MYH14: variants seen among roughly 807,000 people sequenced by gnomAD.
MYH14 encodes myosin-14.
A neutral mutation model predicts 255.5 loss-of-function variants in MYH14; 123 were observed. That is an observed-to-expected ratio of 0.48 (90% CI 0.42 to 0.56). MYH14 has a LOEUF of 0.56. MYH14 is among the 20% of genes least tolerant of loss of function. The probability of loss-of-function intolerance (pLI) is 0.00; values close to 1 mark genes in which losing one functional copy is unlikely to be tolerated. For synonymous variants in MYH14, 1,095 were observed against 1,161.2 expected (o/e 0.94, Z 1.16); for missense variants, 2,423 against 2,802.3 (o/e 0.86, Z 3.06).
chr19:50,278,188 C>T lies in MYH14; in HGVS notation c.3931C>T (p.Arg1311Trp), dbSNP rs369976154. The change falls in exon 30 of 43, where the codon CGG (arginine) becomes TGG (tryptophan). Residue 1311 changes from arginine to tryptophan, a missense_variant. Coordinates refer to ENST00000642316, the MANE Select transcript of MYH14 (RefSeq NM_001145809.2). ...GACTGCACGTCAGGAGGGTGAGCAGCGGAGGCGCCGCCTGGAGTTACAGCT... is the reference window on the plus strand; with the variant it reads ...GACTGCACGTCAGGAGGGTGAGCAGTGGAGGCGCCGCCTGGAGTTACAGCT... ...LQTARQEGEQ[R>W]RRRLELQLQE... 17 of 1,611,344 alleles carry T rather than the reference C, an allele frequency of 1.1e-5. No homozygotes were observed. The highest frequency in any genetic ancestry group is 4.0e-5 in the African/African-American group (3 of 74,880).
At chr19:50,291,588 G>A (rs1028412625) in intron 36 of MYH14, among the ~76,000 whole-genome samples, 1 of 152,162 alleles carries the variant, frequency 6.6e-6, no homozygotes, top group Non-Finnish European at 1.5e-5. Flanking sequence ...TTTTTGGCCA[G>A]ACACAGTGGC....
intron 40 of MYH14, among the ~76,000 whole-genome samples, chr19:50,305,540 G>A (rs2036626260): frequency 6.6e-6 from 1 of 152,060 alleles, no homozygotes; most frequent in South Asian, 2.1e-4. Flanking sequence ...GGGGCCCCAG[G>A]GCTTATGGGA....
At chr19:50,262,856 TAA>T (rs1310071102) in intron 21 of MYH14, among the ~76,000 whole-genome samples, 1 of 152,022 alleles carries the variant, frequency 6.6e-6, no homozygotes, top group Non-Finnish European at 1.5e-5. Flanking sequence ...CTCAAAGTAA[TAA>T]GAGTGCCTGC....
In MYH14 at chr19:50,210,787, TG is replaced by T. The variant is rs780068018; in HGVS notation, c.405+23del. ...CTCATCTACGTGAGTGGGCTCCTGC[TG>T]GGGGGCGCGTGCGGCGGAGTTGCTG... On this transcript the variant is annotated intron_variant, in intron 2 of 42. Transcript: ENST00000642316. 5.8e-6 allele frequency: 9 copies of T among 1,550,696 alleles called. No homozygotes were observed. The highest frequency in any genetic ancestry group is 1.2e-5 in the South Asian group (1 of 82,288).
chr19:50,261,674 A>G, intron 21 of MYH14, 39 bp downstream of exon 21: 1 of 1,539,122 alleles, frequency 6.5e-7, no homozygotes, highest in Non-Finnish European at 8.7e-7. Flanking sequence ...CTGTTGGCCG[A>G]GACTGGGTCA....
Position 50,276,252 on chromosome 19 carries a change from T to G in MYH14, c.3680+49T>G. On this transcript the variant is annotated intron_variant, in intron 28 of 42. Coordinates refer to ENST00000642316, the MANE Select transcript of MYH14 (RefSeq NM_001145809.2). The surrounding 1 kb of genome is among the most constrained non-coding windows in gnomAD (Gnocchi z 4.3). ...GTCACAGCCTGTGCACATACAGGGC[T>G]GGGGGAAGGACTTAGGTACAAAGTC... is the stretch of plus-strand genomic sequence containing the variant. 1 of 1,341,092 alleles carries G rather than the reference T, an allele frequency of 7.5e-7. No individual in the cohort carries two copies. The highest frequency in any genetic ancestry group is 1.0e-6 in the Non-Finnish European group (1 of 990,986). The allele number at this position is 1,341,092 out of a possible 1,614,324, so 83.1% of individuals were successfully genotyped here.
chr19:50,248,895 G>A, intron 12 of MYH14, 92 bp from the exon 13 acceptor site: 2 of 1,403,824 alleles, frequency 1.4e-6, no homozygotes, highest in South Asian at 1.2e-5. Context: ...CCTTAAGGGG[G>A]ACGAGCTGGG....
intron 2 of MYH14, among the ~76,000 whole-genome samples, chr19:50,215,079 G>A (rs2032401957): frequency 6.6e-6 from 1 of 152,150 alleles, no homozygotes; most frequent in Non-Finnish European, 1.5e-5. Flanking sequence ...GACCCTTCCA[G>A]GAGGGCTTCC....
chr19:50,277,610 AAAAC>A (rs904329148), intron 29 of MYH14, among the ~76,000 whole-genome samples: 13 of 152,100 alleles, frequency 8.5e-5, no homozygotes, highest in Middle Eastern at 3.4e-3. Context: ...TCTGTCTCAA[AAAAC>A]AAACAAACAA....
chr19:50,310,174 T>C lies in MYH14; in HGVS notation c.*384T>C. 4.3e-6 allele frequency: 1 copy of C among 232,428 alleles called. No homozygotes were observed. The highest frequency in any genetic ancestry group is 8.4e-6 in the Non-Finnish European group (1 of 119,552). The allele number at this position is 232,428 out of a possible 1,614,324, so 14.4% of individuals were successfully genotyped here. On this transcript the variant is annotated 3_prime_UTR_variant, in exon 43 of 43. Coordinates refer to ENST00000642316, the MANE Select transcript of MYH14 (RefSeq NM_001145809.2). ...CAGTGCAACCCATTCCCTCTGCTTC[T>C]CTCTCTCTCTCTCTCTCTCCCTCCC...
At chr19:50,277,116 C>T (rs959993945) in intron 29 of MYH14, among the ~76,000 whole-genome samples, 3 of 152,192 alleles carry the variant, frequency 2.0e-5, no homozygotes, top group African/African-American at 7.2e-5. Context: ...AACCCAACAA[C>T]CAGCACTGCC....
At chr19:50,302,282 T>A (rs1170495402) in intron 40 of MYH14, among the ~76,000 whole-genome samples, 2 of 112,448 alleles carry the variant, frequency 1.8e-5, no homozygotes, top group African/African-American at 1.0e-4. Context: ...AGACCTTGTC[T>A]CTAAAAAAAA....
At position 50,267,004 on chromosome 19, in the gene MYH14, C is replaced by T. The variant is rs1945672258; in HGVS notation, c.2822C>T (p.Ala941Val). 7 of 1,557,754 alleles carry T rather than the reference C, an allele frequency of 4.5e-6. No individual in the cohort carries two copies. Among genetic ancestry groups the T allele is most frequent in the East Asian group, 2.4e-5 (1 of 42,516 alleles). The change falls in exon 23 of 43, where the codon GCA (alanine) becomes GTA (valine). Residue 941 changes from alanine (A) to valine (V), a missense_variant. Ala to Val is a moderately conservative substitution (Grantham distance 64). Coordinates refer to ENST00000642316, the MANE Select transcript of MYH14 (RefSeq NM_001145809.2). ...REVGELQGRVAQLEEERARLA... is the reference protein window; with the variant it reads ...REVGELQGRVVQLEEERARLA... ...GTTGGGGAGCTCCAGGGCCGAGTGG[C>T]ACAGGTGAGGGGGCGGGGGCAGGGC...
chr19:50,258,996 T>C, intron 18 of MYH14, 148 bp from the exon 19 acceptor site: 1 of 1,069,254 alleles, frequency 9.4e-7, no homozygotes, highest in Non-Finnish European at 1.3e-6. Context: ...GTTTGAGCAT[T>C]GCTGTCTTCC....
intron 18 of MYH14, chr19:50,258,805 G>C: frequency 4.1e-6 from 1 of 246,578 alleles, no homozygotes; most frequent in Non-Finnish European, 7.6e-6. Context: ...ACAGACATCA[G>C]CTTCCCAGGA....
chr19:50,206,802 G>C (rs575258168), intron 1 of MYH14, among the ~76,000 whole-genome samples: 2 of 152,000 alleles, frequency 1.3e-5, no homozygotes, highest in South Asian at 4.1e-4. Context: ...AGGTGGGGAC[G>C]GCAGTTGCAT....
intron 2 of MYH14, among the ~76,000 whole-genome samples, chr19:50,214,791 G>A (rs972649250): frequency 6.6e-6 from 1 of 151,918 alleles, no homozygotes; most frequent in African/African-American, 2.4e-5. Context: ...ACCCGCCCCC[G>A]TCCAAAAAAT....
At chr19:50,291,128 G>A (rs766171381) in intron 36 of MYH14, 80 bp downstream of exon 36, 52 of 1,420,840 alleles carry the variant, frequency 3.7e-5, no homozygotes, top group Non-Finnish European at 4.8e-5. Flanking sequence ...TCTAAGGCTA[G>A]CTCGGACCCC....
Position 50,259,194 on chromosome 19 carries a change from G to T in MYH14, c.2283G>T (p.Gly761=), listed in dbSNP as rs766454421. The T allele has an allele frequency of 6.3e-7, 1 of 1,577,966 alleles. No individual in the cohort carries two copies. Among genetic ancestry groups the T allele is most frequent in the Admixed American group, 1.8e-5 (1 of 54,430 alleles). Residue 761 remains glycine, a synonymous_variant, in exon 19 of 43, where the codon GGG becomes GGT. Coordinates refer to ENST00000642316, the MANE Select transcript of MYH14 (RefSeq NM_001145809.2). The stretch of plus-strand genomic sequence containing the variant: ...TGCTGGACCAGCTTCGCTGCAACGG[G>T]GTCCTGGAGGGCATCCGCATCTGTC... The part of the protein sequence containing the change: ...RLVLDQLRCN[G]VLEGIRICRQ...
Sources: allele counts gnomAD v4.1 joint callset (sites outside exome capture counted in the v4.1 genomes callset), GRCh38; gene constraint gnomAD v4.1.1; non-coding constraint Gnocchi (gnomAD v3.1); transcripts MANE v1.5; gene names NCBI Gene and HGNC (gene_info 2026-07-23, HGNC 2026-07-21).